Variants in PRTG observed in about 807,000 individuals in gnomAD.
PRTG encodes the protein protogenin.
In PRTG, 67 loss-of-function variants were observed where a neutral mutation model predicts 122.5. The observed-to-expected ratio is 0.55, with a 90% CI of 0.45 to 0.67. The LOEUF is 0.67. Ranked by LOEUF, PRTG falls within the 30% of genes least tolerant of loss-of-function variation. PRTG has a pLI of 0.00. For missense variants in PRTG, 1,435 were observed against 1,415.4 expected (o/e 1.01, Z -0.22); for synonymous variants, 554 against 501.1 (o/e 1.11, Z -1.41).
chr15:55,724,320 C>G (rs1190389786), intron 2 of PRTG, among the ~76,000 whole-genome samples: 1 of 152,142 alleles, frequency 6.6e-6, no homozygotes, highest in Non-Finnish European at 1.5e-5. Flanking sequence ...TCCCTTCAAT[C>G]AGTGTCAGTA....
intron 12 of PRTG, among the ~76,000 whole-genome samples, chr15:55,640,738 G>A (rs908220280): frequency 6.6e-6 from 1 of 151,918 alleles, no homozygotes; most frequent in Non-Finnish European, 1.5e-5. Context: ...AGCCAGGTGC[G>A]GTGGCTCACG....
Position 55,679,418 on chromosome 15 carries a change from T to G in PRTG, c.1001A>C (p.Glu334Ala). The G allele has an allele frequency of 1.2e-6, 2 of 1,611,516 alleles. No homozygotes were observed. Among genetic ancestry groups the G allele is most frequent in the South Asian group, 2.2e-5 (2 of 90,434 alleles). The change falls in exon 7 of 20, where the codon GAA becomes GCA. Residue 334 changes from glutamate to alanine, a missense_variant. Glu to Ala is a moderately radical substitution (Grantham distance 107). Coordinates refer to ENST00000389286, the MANE Select transcript of PRTG (RefSeq NM_173814.6). The part of the protein sequence containing the change: ...LAPPSFVEWP[E>A]SLTRPRAGTA... ...GCCAGCTCGAGGCCTTGTTAAACTT[T>G]CTGGCCATTCAACAAATGAAGGAGG...
chr15:55,720,853 G>A (rs910145936), intron 2 of PRTG, among the ~76,000 whole-genome samples: 2 of 152,052 alleles, frequency 1.3e-5, no homozygotes, highest in African/African-American at 4.8e-5. Context: ...ATTTGTGTTG[G>A]GCTGCATTCA....
chr15:55,686,945 C>G (rs1004087948), intron 2 of PRTG, among the ~76,000 whole-genome samples: 4 of 152,218 alleles, frequency 2.6e-5, no homozygotes, highest in African/African-American at 9.6e-5. Flanking sequence ...CCTCTGTACA[C>G]TGCAGACCTT....
chr15:55,700,796 C>A (rs902921177), intron 2 of PRTG, among the ~76,000 whole-genome samples: 1 of 152,008 alleles, frequency 6.6e-6, no homozygotes. Flanking sequence ...ATAAAATAAA[C>A]CCCTCCTCTT....
At chr15:55,627,263 G>A in intron 16 of PRTG, 135 bp from the exon 17 acceptor site, 1 of 448,232 alleles carries the variant, frequency 2.2e-6, no homozygotes. Flanking sequence ...CATCAAAGCA[G>A]AAAGGACACA....
In PRTG at chr15:55,628,826, G is replaced by C. The variant is rs776732757; in HGVS notation, c.2802C>G (p.Ala934=). The change falls in exon 16 of 20, where the codon GCC becomes GCG. Residue 934 remains alanine (A), a synonymous_variant. Transcript: ENST00000389286. The stretch of plus-strand genomic sequence containing the variant: ...TGACTACGGCAGTATACAGACCTTT[G>C]GCATCAGCAGAATCTAAACGCTTGG... ...QRPKRLDSAD[A]KVYSGYYHLD... The C allele has an allele frequency of 3.7e-6, 6 of 1,611,688 alleles. No homozygotes were observed. Among genetic ancestry groups the C allele is most frequent in the Non-Finnish European group, 5.1e-6 (6 of 1,178,676 alleles).
At chr15:55,638,131 G>T (rs143752907) in intron 14 of PRTG, among the ~76,000 whole-genome samples, 2 of 152,222 alleles carry the variant, frequency 1.3e-5, no homozygotes, top group East Asian at 3.9e-4. Flanking sequence ...CTACAGAATT[G>T]GTGCTCAATC....
At chr15:55,625,832 AG>A (rs2059191737) in intron 17 of PRTG, among the ~76,000 whole-genome samples, 1 of 152,072 alleles carries the variant, frequency 6.6e-6, no homozygotes, top group Non-Finnish European at 1.5e-5. Context: ...CATGTTGGTC[AG>A]GCTGGTCTTG....
intron 11 of PRTG, among the ~76,000 whole-genome samples, chr15:55,646,483 C>T (rs1005183559): frequency 4.0e-5 from 6 of 151,584 alleles, no homozygotes; most frequent in South Asian, 2.1e-4. Flanking sequence ...CCACCACGCC[C>T]GGCCAATTTT....
At chr15:55,648,953 C>T (rs921510169) in intron 11 of PRTG, among the ~76,000 whole-genome samples, 3 of 151,746 alleles carry the variant, frequency 2.0e-5, no homozygotes, top group South Asian at 4.2e-4. Context: ...AAAAATTAGC[C>T]GGGCGTGGTG....
chr15:55,648,080 A>G (rs1167150809), intron 11 of PRTG, among the ~76,000 whole-genome samples: 2 of 152,210 alleles, frequency 1.3e-5, no homozygotes, highest in Non-Finnish European at 2.9e-5. Context: ...CTCATCTGCC[A>G]ACAAAGAAAT....
In PRTG at chr15:55,619,615, G is replaced by C. The variant is rs77879516; in HGVS notation, c.*397C>G. On this transcript the variant is annotated 3_prime_UTR_variant, in exon 20 of 20. Coordinates refer to ENST00000389286, the MANE Select transcript of PRTG (RefSeq NM_173814.6). ...AACTGAGGTAGATAGTCAGCAAAGG[G>C]GCTTTCAAAAGTCTTCCCTTTGCTC... is the stretch of plus-strand genomic sequence containing the variant. 10,690 of 177,594 alleles carry C rather than the reference G, an allele frequency of 0.06. 401 individuals are homozygous for C. Among genetic ancestry groups the C allele is most frequent in the Middle Eastern group, 0.13 (48 of 370 alleles). 11.0% of individuals were successfully genotyped at this position (177,594 alleles called of 1,614,324 possible).
intron 11 of PRTG, among the ~76,000 whole-genome samples, chr15:55,669,880 T>G (rs2141789189): frequency 6.6e-6 from 1 of 152,336 alleles, no homozygotes; most frequent in South Asian, 2.1e-4. Flanking sequence ...ATGCAGCTAT[T>G]TTAATAGACA....
intron 2 of PRTG, among the ~76,000 whole-genome samples, chr15:55,707,610 C>T (rs574333039): frequency 2.0e-4 from 31 of 152,248 alleles, no homozygotes; most frequent in African/African-American, 6.3e-4. Context: ...CTCCATAATG[C>T]GATCAATAAG....
At chr15:55,629,976 C>A (rs1270503123) in intron 15 of PRTG, among the ~76,000 whole-genome samples, 2 of 150,666 alleles carry the variant, frequency 1.3e-5, no homozygotes, top group East Asian at 1.9e-4. Flanking sequence ...CACCACCACA[C>A]CAGGTTAATT....
At chr15:55,692,285 TTAAGAGA>T (rs1172219716) in intron 2 of PRTG, among the ~76,000 whole-genome samples, 1 of 152,020 alleles carries the variant, frequency 6.6e-6, no homozygotes, top group Non-Finnish European at 1.5e-5. Context: ...GACTAACTAG[TTAAGAGA>T]CTATCAGAAC....
chr15:55,625,528 T>C lies in PRTG; in HGVS notation c.2928-1021A>G, dbSNP rs1215739117. Among the ~76,000 whole-genome samples, 8 of 152,008 alleles carry C rather than the reference T, an allele frequency of 5.3e-5. No homozygotes were observed. The South Asian group carries it at 1.2e-3, about 24-fold the overall frequency. On this transcript the variant is annotated intron_variant, in intron 17 of 19. Transcript: ENST00000389286. ...GTGCAGTGCTACGATCATAGCTCACTGTAACCTCAAACTCCTGAGCTCAAA... is the reference window on the plus strand; with the variant it reads ...GTGCAGTGCTACGATCATAGCTCACCGTAACCTCAAACTCCTGAGCTCAAA...
chr15:55,611,829 T>G lies in PRTG; in HGVS notation c.*8183A>C, dbSNP rs1468938861. ...CATTTGCTTTCTTCGTGCAATGGCA[T>G]TCACAGAACTGATCCCCTGAGTCAA... On this transcript the variant is annotated 3_prime_UTR_variant, in exon 20 of 20. Transcript: ENST00000389286. 2 of 152,076 alleles carry G rather than the reference T, an allele frequency of 1.3e-5. No homozygotes were observed. The highest frequency in any genetic ancestry group is 4.8e-5 in the African/African-American group (2 of 41,436). The allele number at this position is 152,076 out of a possible 1,614,324, so 9.4% of individuals were successfully genotyped here. A position where few individuals can be genotyped will look rare whatever the true frequency, so the allele number is the denominator to read the frequency against.
Sources: allele counts gnomAD v4.1 joint callset (sites outside exome capture counted in the v4.1 genomes callset), GRCh38; gene constraint gnomAD v4.1.1; transcripts MANE v1.5; gene names NCBI Gene and HGNC (gene_info 2026-07-23, HGNC 2026-07-21).